PRKG2: variants seen among roughly 807,000 people sequenced by gnomAD.
PRKG2 encodes the protein cGMP-dependent protein kinase 2.
PRKG2 carries 33 observed loss-of-function variants against 97.2 expected under a neutral mutation model. The ratio of observed to expected loss-of-function variants is 0.34; its 90% confidence interval spans 0.26 to 0.45. PRKG2 has a LOEUF of 0.45. PRKG2 is among the 20% of genes least tolerant of loss of function. The pLI is 1.00. For missense variants in PRKG2, 638 were observed against 900.0 expected (o/e 0.71, Z 3.73); for synonymous variants, 330 against 321.8 (o/e 1.03, Z -0.27).
At chr4:81,169,089 C>T (rs1323216401) in intron 5 of PRKG2, among the ~76,000 whole-genome samples, 1 of 151,868 alleles carries the variant, frequency 6.6e-6, no homozygotes, top group Non-Finnish European at 1.5e-5. Context: ...TAAATTGATT[C>T]ATCCAAGGTG....
At chr4:81,166,852 T>C (rs1336287893) in intron 6 of PRKG2, among the ~76,000 whole-genome samples, 1 of 152,140 alleles carries the variant, frequency 6.6e-6, no homozygotes, top group Non-Finnish European at 1.5e-5. Flanking sequence ...ATGTTAATTG[T>C]AGAAAATCAA....
At chr4:81,132,889 C>T (rs1191467348) in intron 14 of PRKG2, among the ~76,000 whole-genome samples, 1 of 151,688 alleles carries the variant, frequency 6.6e-6, no homozygotes, top group Non-Finnish European at 1.5e-5. Context: ...TAGTCTGTAT[C>T]TGATTACTCC....
intron 2 of PRKG2, among the ~76,000 whole-genome samples, chr4:81,187,850 A>G (rs1752023415): frequency 6.6e-6 from 1 of 152,004 alleles, no homozygotes; most frequent in African/African-American, 2.4e-5. Context: ...TCCCTTCCTT[A>G]CACCTTATAC....
chr4:81,169,806 C>A, intron 4 of PRKG2, 38 bp from the exon 5 acceptor site: 1 of 1,325,566 alleles, frequency 7.5e-7, no homozygotes, highest in Non-Finnish European at 1.1e-6. Flanking sequence ...ACACTTAGTA[C>A]AACATTGTGA....
chr4:81,092,796 G>A (rs1741712627), intron 17 of PRKG2, among the ~76,000 whole-genome samples: 1 of 152,044 alleles, frequency 6.6e-6, no homozygotes, highest in Admixed American at 6.6e-5. Context: ...TCAAACCAAA[G>A]CTCTTGTAGT....
At chr4:81,090,678 T>C (rs1020200018) in intron 18 of PRKG2, among the ~76,000 whole-genome samples, 3 of 152,182 alleles carry the variant, frequency 2.0e-5, no homozygotes, top group Non-Finnish European at 4.4e-5. Context: ...AAAAATATTA[T>C]TTATGATAGA....
intron 14 of PRKG2, among the ~76,000 whole-genome samples, chr4:81,124,921 T>C (rs188901668): frequency 2.0e-5 from 3 of 152,344 alleles, no homozygotes; most frequent in African/African-American, 7.2e-5. Context: ...ATTGGTGTCA[T>C]TTTTAATTTC....
chr4:81,217,178 T>C (rs1754311278), upstream of PRKG2, among the ~76,000 whole-genome samples: 1 of 151,776 alleles, frequency 6.6e-6, no homozygotes, highest in South Asian at 2.1e-4. Context: ...CATTGAGTCC[T>C]GGGCTTTTTT....
intron 2 of PRKG2, among the ~76,000 whole-genome samples, chr4:81,197,567 G>A (rs2110121138): frequency 6.6e-6 from 1 of 152,266 alleles, no homozygotes; most frequent in South Asian, 2.1e-4. Flanking sequence ...GCCACTACTA[G>A]TGATAACCAT....
intron 1 of PRKG2, among the ~76,000 whole-genome samples, chr4:81,209,283 T>C (rs1265272669): frequency 2.6e-5 from 4 of 152,200 alleles, no homozygotes; most frequent in East Asian, 1.9e-4. Flanking sequence ...TCCAGCCCTA[T>C]AGCAGTTTGA....
intron 12 of PRKG2, among the ~76,000 whole-genome samples, chr4:81,138,445 A>C (rs1297874991): frequency 6.6e-6 from 1 of 152,220 alleles, no homozygotes; most frequent in Non-Finnish European, 1.5e-5. Flanking sequence ...CCAAGGCTTG[A>C]ATCCAGATCA....
chr4:81,150,347 A>G (rs994345389), intron 8 of PRKG2, among the ~76,000 whole-genome samples: 5 of 152,186 alleles, frequency 3.3e-5, no homozygotes, highest in Admixed American at 6.6e-5. Flanking sequence ...TAAGTGCCAT[A>G]GATTTATTTT....
intron 10 of PRKG2, among the ~76,000 whole-genome samples, chr4:81,143,663 T>C (rs1747520577): frequency 6.6e-6 from 1 of 152,226 alleles, no homozygotes; most frequent in African/African-American, 2.4e-5. Context: ...TCTAAGAATT[T>C]TGACTATATG....
intron 2 of PRKG2, chr4:81,175,995 A>G (rs992775441): frequency 1.3e-4 from 20 of 152,078 alleles, no homozygotes; most frequent in African/African-American, 4.8e-4. Flanking sequence ...TACTGTTTGG[A>G]AGCTGGTGAT....
At chr4:81,125,375 A>G (rs745333473) in intron 14 of PRKG2, among the ~76,000 whole-genome samples, 19 of 152,206 alleles carry the variant, frequency 1.2e-4, no homozygotes, top group Non-Finnish European at 2.4e-4. Flanking sequence ...GAACTTTGAT[A>G]CAAGGAATCA....
At chr4:81,100,262 C>A (rs927071177) in intron 17 of PRKG2, among the ~76,000 whole-genome samples, 2 of 152,102 alleles carry the variant, frequency 1.3e-5, no homozygotes, top group Non-Finnish European at 2.9e-5. Flanking sequence ...CCAAGTCAAT[C>A]CTAAGCCAAA....
chr4:81,143,139 A>G (rs1244008573), intron 10 of PRKG2, among the ~76,000 whole-genome samples, 192 bp from the exon 11 acceptor site: 3 of 152,188 alleles, frequency 2.0e-5, no homozygotes, highest in Non-Finnish European at 4.4e-5. Flanking sequence ...ATATACAAAC[A>G]TAAAACTCAC....
At chr4:81,108,249 T>C (rs535008288) in intron 15 of PRKG2, among the ~76,000 whole-genome samples, 12 of 152,250 alleles carry the variant, frequency 7.9e-5, no homozygotes, top group African/African-American at 2.9e-4. Flanking sequence ...TATTCTATTA[T>C]GCCATTTAAT....
intron 13 of PRKG2, 30 bp from the exon 14 acceptor site, chr4:81,135,326 CT>C (rs778775098): frequency 6.2e-7 from 1 of 1,605,406 alleles, no homozygotes; most frequent in Non-Finnish European, 8.5e-7. Flanking sequence ...CCTCTTAATA[CT>C]TTGGATACAC....
Sources: allele counts gnomAD v4.1 joint callset (sites outside exome capture counted in the v4.1 genomes callset), GRCh38; gene constraint gnomAD v4.1.1; transcripts MANE v1.5; gene names NCBI Gene and HGNC (gene_info 2026-07-23, HGNC 2026-07-21).